ENTREP2: variants seen among roughly 807,000 people sequenced by gnomAD.
The protein encoded by ENTREP2 is protein ENTREP2.
chr15:29,195,255 G>A, the ENTREP2 span: 11 of 985,202 alleles, frequency 1.1e-5, no homozygotes, highest in African/African-American at 3.5e-5. Context: ...TGTGAGCCAG[G>A]CGTAGTCCTA....
At chr15:29,478,011 A>ATTTT in the ENTREP2 span, among the ~76,000 whole-genome samples, 29 of 70,374 alleles carry the variant, frequency 4.1e-4, no homozygotes, top group African/African-American at 1.9e-3. Flanking sequence ...ATATATATAT[A>ATTTT]TATATATATT....
At chr15:29,455,620 T>A in the ENTREP2 span, among the ~76,000 whole-genome samples, 2 of 152,218 alleles carry the variant, frequency 1.3e-5, no homozygotes, top group South Asian at 4.1e-4. Flanking sequence ...TGCAACACCT[T>A]GTTTTCACAT....
At chr15:29,551,450 T>C in the ENTREP2 span, among the ~76,000 whole-genome samples, 7 of 152,116 alleles carry the variant, frequency 4.6e-5, no homozygotes, top group African/African-American at 1.7e-4. Context: ...GGGGATTGCA[T>C]CTAAGAACCC....
At chr15:29,280,577 C>T in the ENTREP2 span, among the ~76,000 whole-genome samples, 1 of 152,170 alleles carries the variant, frequency 6.6e-6, no homozygotes, top group Non-Finnish European at 1.5e-5. Flanking sequence ...AAGATGTTCC[C>T]TGGCAGACAC....
the ENTREP2 span, chr15:29,124,785 G>C: frequency 6.5e-7 from 1 of 1,542,076 alleles, no homozygotes; most frequent in Non-Finnish European, 8.8e-7. Context: ...AGAATTCAGT[G>C]AACACATGAA....
At chr15:29,440,876 CCA>C in the ENTREP2 span, among the ~76,000 whole-genome samples, 3 of 152,192 alleles carry the variant, frequency 2.0e-5, no homozygotes, top group Non-Finnish European at 1.5e-5. Flanking sequence ...GCAAACACAG[CCA>C]CACTGTCTCC....
At chr15:29,450,145 T>C in the ENTREP2 span, among the ~76,000 whole-genome samples, 1 of 152,210 alleles carries the variant, frequency 6.6e-6, no homozygotes, top group African/African-American at 2.4e-5. Context: ...ATTCTGAATA[T>C]TGGACCTTTG....
chr15:29,542,127 T>C, the ENTREP2 span, among the ~76,000 whole-genome samples: 1 of 152,072 alleles, frequency 6.6e-6, no homozygotes, highest in African/African-American at 2.4e-5. Context: ...TCCTGCCTCA[T>C]TCAGCCTCCA....
chr15:29,504,998 T>C, the ENTREP2 span, among the ~76,000 whole-genome samples: 1 of 152,234 alleles, frequency 6.6e-6, no homozygotes, highest in Non-Finnish European at 1.5e-5. Context: ...CAAGTCACCT[T>C]GTAGATGACA....
the ENTREP2 span, among the ~76,000 whole-genome samples, chr15:29,254,727 C>T: frequency 6.6e-6 from 1 of 152,002 alleles, no homozygotes; most frequent in Non-Finnish European, 1.5e-5. Flanking sequence ...CATGGTGCTG[C>T]GCGCCTGTAA....
At chr15:29,328,696 T>C in the ENTREP2 span, among the ~76,000 whole-genome samples, 1 of 152,122 alleles carries the variant, frequency 6.6e-6, no homozygotes, top group African/African-American at 2.4e-5. Context: ...ATTAAGTAAA[T>C]GGATGGCAGA....
the ENTREP2 span, among the ~76,000 whole-genome samples, chr15:29,547,186 A>C: frequency 6.3e-4 from 95 of 151,638 alleles, no homozygotes; most frequent in African/African-American, 2.2e-3. Flanking sequence ...CCCAGGTTCA[A>C]GCAATTCTCC....
chr15:29,597,275 A>G, the ENTREP2 span, among the ~76,000 whole-genome samples: 1 of 152,158 alleles, frequency 6.6e-6, no homozygotes, highest in Non-Finnish European at 1.5e-5. Flanking sequence ...TTTAAGATTC[A>G]TCCATAACTA....
chr15:29,236,207 C>T, the ENTREP2 span, among the ~76,000 whole-genome samples: 2 of 152,064 alleles, frequency 1.3e-5, no homozygotes, highest in Admixed American at 6.6e-5. Context: ...TGCAGACATC[C>T]AAAGGATAAT....
At chr15:29,552,426 GCA>G in the ENTREP2 span, among the ~76,000 whole-genome samples, 1,646 of 152,072 alleles carry the variant, frequency 0.011, 33 homozygotes, top group African/African-American at 0.038. Flanking sequence ...AACAGTACAC[GCA>G]CACACTCAAA....
chr15:29,488,324 G>A, the ENTREP2 span, among the ~76,000 whole-genome samples: 27 of 152,148 alleles, frequency 1.8e-4, no homozygotes, highest in South Asian at 1.7e-3. Flanking sequence ...GACTTGACTA[G>A]GCAGAAGAAA....
At chr15:29,537,390 CCA>C in the ENTREP2 span, among the ~76,000 whole-genome samples, 1 of 152,194 alleles carries the variant, frequency 6.6e-6, no homozygotes. Context: ...AAAGCACACA[CCA>C]CAAATTCTAG....
the ENTREP2 span, among the ~76,000 whole-genome samples, chr15:29,617,071 A>AAAAT: frequency 1.3e-5 from 2 of 152,262 alleles, no homozygotes; most frequent in East Asian, 1.9e-4. Context: ...AATTATAATA[A>AAAAT]AAATAAATAA....
the ENTREP2 span, among the ~76,000 whole-genome samples, chr15:29,551,433 C>T: frequency 6.6e-6 from 1 of 152,126 alleles, no homozygotes; most frequent in Non-Finnish European, 1.5e-5. Context: ...AAAATGGACT[C>T]TGGGGTGGGG....
Sources: gnomAD v4.1 joint callset for allele counts (sites outside exome capture counted in the v4.1 genomes callset) on GRCh38, gnomAD v4.1.1 for gene constraint, MANE v1.5 for transcripts, NCBI Gene and HGNC (gene_info 2026-07-23, HGNC 2026-07-21) for gene names.